DDI2: variants seen among roughly 807,000 people sequenced by gnomAD.
The protein encoded by DDI2 is protein DDI1 homolog 2.
A neutral mutation model predicts 48.1 loss-of-function variants in DDI2; 5 were observed. The ratio of observed to expected loss-of-function variants is 0.10; its 90% CI spans 0.05 to 0.22. The LOEUF (loss-of-function observed/expected upper bound fraction) is 0.22, where lower values mean the gene tolerates loss of function less well. DDI2 is among the 10% of genes least tolerant of loss of function. DDI2 has a pLI of 1.00. For synonymous variants in DDI2, 205 were observed against 183.6 expected, an observed-to-expected ratio of 1.12 and a Z score of -0.94; for missense variants, 285 against 506.2, an observed-to-expected ratio of 0.56 and a Z score of 4.19.
chr1:15,650,718 A>C (rs1350139997), intron 7 of DDI2, among the ~76,000 whole-genome samples: 1 of 152,144 alleles, frequency 6.6e-6, no homozygotes, highest in Non-Finnish European at 1.5e-5. Context: ...ACAGAGCAAA[A>C]CCACATCTCA....
intron 3 of DDI2, among the ~76,000 whole-genome samples, chr1:15,632,372 A>G (rs933650914): frequency 1.3e-5 from 2 of 151,984 alleles, no homozygotes; most frequent in Non-Finnish European, 2.9e-5. Context: ...GTCTCTACTA[A>G]TAATACAAAA....
chr1:15,656,049 C>T (rs983484132), intron 8 of DDI2, among the ~76,000 whole-genome samples: 2 of 152,042 alleles, frequency 1.3e-5, no homozygotes, highest in South Asian at 4.1e-4. Context: ...CTATGTTGCC[C>T]CAGCTGATTT....
Position 15,660,555 on chromosome 1 carries a change from T to C in DDI2, c.*765T>C. ...TCCCACAGAATGTGGATCCTCCAAG[T>C]GCGAAGAAAAGTATTCCATCTTCAG... On this transcript the variant is annotated 3_prime_UTR_variant, in exon 10 of 10. Transcript: ENST00000480945. The C allele has an allele frequency of 6.2e-7, 1 of 1,613,232 alleles. No individual in the cohort carries two copies. Among genetic ancestry groups the C allele is most frequent in the Non-Finnish European group, 8.5e-7 (1 of 1,179,766 alleles).
intron 8 of DDI2, among the ~76,000 whole-genome samples, chr1:15,653,336 C>T (rs1265556467): frequency 2.0e-5 from 3 of 151,534 alleles, no homozygotes; most frequent in Non-Finnish European, 2.9e-5. Context: ...AGTGCAGTGG[C>T]GCAGCCATGG....
rs1640491675 is a variant in DDI2, at chr1:15,669,023, C to G, written c.*9233C>G. The G allele has an allele frequency of 6.6e-6, 1 of 152,124 alleles. No individual in the cohort carries two copies. Among genetic ancestry groups the G allele is most frequent in the Non-Finnish European group, 1.5e-5 (1 of 68,026 alleles). The allele number at this position is 152,124 out of a possible 1,614,324, so 9.4% of individuals were successfully genotyped here. ...TGTGTAAAACATTTGATATTTAAGA[C>G]AATAAAGTTTTTATCATAAGACTTC... On this transcript the variant is annotated 3_prime_UTR_variant, in exon 10 of 10. Coordinates refer to ENST00000480945, the MANE Select transcript of DDI2 (RefSeq NM_032341.5).
intron 4 of DDI2, among the ~76,000 whole-genome samples, chr1:15,637,582 G>T (rs1639948397): frequency 6.6e-6 from 1 of 152,206 alleles, no homozygotes. Context: ...TGGCCAGACT[G>T]GTCTTGAACT....
chr1:15,622,585 G>A (rs1218330993), intron 1 of DDI2, among the ~76,000 whole-genome samples: 8 of 152,068 alleles, frequency 5.3e-5, no homozygotes, highest in African/African-American at 1.9e-4. Context: ...TCTTATAACT[G>A]GCAAAACTTG....
chr1:15,641,236 C>G (rs573981836), intron 5 of DDI2, among the ~76,000 whole-genome samples: 1 of 152,210 alleles, frequency 6.6e-6, no homozygotes, highest in African/African-American at 2.4e-5. Flanking sequence ...CGTTGGGAGG[C>G]TGAGGCGGGT....
At position 15,660,926 on chromosome 1, in the gene DDI2, C is replaced by T. The variant is rs201454259; in HGVS notation, c.*1136C>T. 2.8e-4 allele frequency: 451 copies of T among 1,613,386 alleles called. No homozygotes were observed. Among genetic ancestry groups the T allele is most frequent in the Non-Finnish European group, 3.4e-4 (405 of 1,179,730 alleles). On this transcript the variant is annotated 3_prime_UTR_variant, in exon 10 of 10. Transcript: ENST00000480945. The stretch of plus-strand genomic sequence containing the variant: ...GCAGAAGAATCTTGCCCGTCTATAA[C>T]GGCAGCCTTGAAAGAACTTCATGAA...
chr1:15,656,179 G>A (rs529842824), intron 8 of DDI2, among the ~76,000 whole-genome samples: 2 of 152,126 alleles, frequency 1.3e-5, no homozygotes, highest in African/African-American at 4.8e-5. Flanking sequence ...GATAAGCTAG[G>A]ATAGAATTTA....
At chr1:15,633,326 A>G (rs1469024910) in intron 3 of DDI2, 113 bp from the exon 4 acceptor site, 4 of 1,234,464 alleles carry the variant, frequency 3.2e-6, no homozygotes, top group Non-Finnish European at 4.5e-6. Flanking sequence ...AGCTTTAGGC[A>G]TCCTCTCTGC....
chr1:15,623,786 C>T (rs1639709321), intron 1 of DDI2, among the ~76,000 whole-genome samples: 1 of 152,010 alleles, frequency 6.6e-6, no homozygotes, highest in Admixed American at 6.6e-5. Flanking sequence ...AGTGGCCGGG[C>T]GCAGTGACTC....
intron 6 of DDI2, 63 bp from the exon 7 acceptor site, chr1:15,649,657 G>C: frequency 1.3e-6 from 2 of 1,534,878 alleles, no homozygotes; most frequent in Non-Finnish European, 1.8e-6. Flanking sequence ...GGCAACAAGA[G>C]CGAAACTCCG....
chr1:15,637,224 C>T (rs909321731), intron 4 of DDI2, among the ~76,000 whole-genome samples: 2 of 152,020 alleles, frequency 1.3e-5, no homozygotes, highest in African/African-American at 4.8e-5. Flanking sequence ...TTTTCTTTTC[C>T]TTCCTTTTGG....
intron 8 of DDI2, among the ~76,000 whole-genome samples, chr1:15,653,833 G>T (rs1428423331): frequency 2.0e-5 from 3 of 152,120 alleles, no homozygotes; most frequent in African/African-American, 7.2e-5. Context: ...CAGTGTTATG[G>T]TGTGAGATTA....
intron 1 of DDI2, among the ~76,000 whole-genome samples, chr1:15,618,891 A>G (rs1007812142): frequency 8.5e-5 from 13 of 152,354 alleles, no homozygotes; most frequent in Admixed American, 6.5e-4. Flanking sequence ...CGATTGCCCA[A>G]CTGCAGCTTG....
At position 15,666,018 on chromosome 1, in the gene DDI2, G is replaced by C. The variant is rs1019139508; in HGVS notation, c.*6228G>C. The C allele has an allele frequency of 1.3e-5, 2 of 152,198 alleles. No individual in the cohort carries two copies. Among genetic ancestry groups the C allele is most frequent in the African/African-American group, 4.8e-5 (2 of 41,442 alleles). The allele number at this position is 152,198 out of a possible 1,614,324, so 9.4% of individuals were successfully genotyped here. On this transcript the variant is annotated 3_prime_UTR_variant, in exon 10 of 10. Transcript: ENST00000480945. The stretch of plus-strand genomic sequence containing the variant: ...CTAGAAAGACACAGAGTTATCAAGA[G>C]TTTCCCTTCCTAGAAGATGAATGTT...
chr1:15,624,801 G>A (rs2861387), intron 1 of DDI2, among the ~76,000 whole-genome samples: 48,413 of 151,872 alleles, frequency 0.32, 8,549 homozygotes, highest in African/African-American at 0.45. Context: ...TTTCACAAAA[G>A]AAAATTTGCA....
rs935865846 is a variant in DDI2, at chr1:15,645,368, G to A, written c.889+1718G>A. On this transcript the variant is annotated intron_variant, in intron 6 of 9. Transcript: ENST00000480945. ...GGGACTTTCTCTGAATTATTTTGACGATGATTTTCTCCCCTCTGGAATGTC... is the reference window on the plus strand; with the variant it reads ...GGGACTTTCTCTGAATTATTTTGACAATGATTTTCTCCCCTCTGGAATGTC... 4.6e-5 allele frequency among the ~76,000 whole-genome samples: 7 copies of A among 152,260 alleles called. No individual in the cohort carries two copies. In the East Asian group the frequency reaches 5.8e-4, roughly 13 times the overall value.
Sources: allele counts gnomAD v4.1 joint callset (sites outside exome capture counted in the v4.1 genomes callset), GRCh38; gene constraint gnomAD v4.1.1; transcripts MANE v1.5; gene names NCBI Gene and HGNC (gene_info 2026-07-23, HGNC 2026-07-21).